The following DMD variants were observed in gnomAD, a reference collection of about 807,000 sequenced individuals.
DMD encodes mutant dystrophin.
A neutral mutation model predicts 330.1 loss-of-function variants in DMD; 63 were observed. That is an observed-to-expected ratio of 0.19 (90% CI 0.16 to 0.24). The LOEUF (loss-of-function observed/expected upper bound fraction) is 0.24, where lower values mean the gene tolerates loss of function less well. Ranked by LOEUF, DMD falls within the 10% of genes least tolerant of loss-of-function variation. The pLI is 1.00. For synonymous variants in DMD, 1,223 were observed against 959.8 expected, an observed-to-expected ratio of 1.27 and a Z score of -5.07; for missense variants, 3,344 against 2,684.1, an observed-to-expected ratio of 1.25 and a Z score of -5.43.
intron 51 of DMD, among the ~76,000 whole-genome samples, chrX:31,746,901 G>A (rs945119961): frequency 1.8e-5 from 2 of 111,055 alleles, no homozygotes; most frequent in Admixed American, 1.9e-4. Context: ...ACCTTTGGAC[G>A]TACATATAAG....
At chrX:31,695,438 T>C (rs1274987841) in intron 52 of DMD, among the ~76,000 whole-genome samples, 2 of 111,047 alleles carry the variant, frequency 1.8e-5, no homozygotes, top group Non-Finnish European at 3.8e-5. Context: ...ACATTGTTTG[T>C]AGCACAAAGG....
chrX:32,927,363 CTT>C lies in DMD; in HGVS notation c.94-77545_94-77544del, dbSNP rs536073565. On this transcript the variant is annotated intron_variant, in intron 2 of 78. Transcript: ENST00000357033. ...GGGTAGCAAGTTTCCTTCTTTCTTT[CTT>C]TTTTTTTTTTTTTTTTTTTTTTGAT... 5.6e-3 allele frequency among the ~76,000 whole-genome samples: 320 copies of C among 56,985 alleles called. 1 individual carries two copies. Among genetic ancestry groups the C allele is most frequent in the African/African-American group, 0.018 (258 of 14,726 alleles). 49.5% of individuals were successfully genotyped at this position (56,985 alleles called of 115,157 possible).
At chrX:33,138,464 T>C (rs1349441846) in intron 1 of DMD, among the ~76,000 whole-genome samples, 1 of 111,798 alleles carries the variant, frequency 8.9e-6, no homozygotes, top group Non-Finnish European at 1.9e-5. Context: ...CCCAGGAACA[T>C]GCTATATAGC....
intron 1 of DMD, among the ~76,000 whole-genome samples, chrX:33,101,457 C>T (rs2095238186): frequency 9.0e-6 from 1 of 111,700 alleles, no homozygotes; most frequent in Non-Finnish European, 1.9e-5. Flanking sequence ...TAGTGAAACC[C>T]CGTCTCTACT....
At chrX:32,658,375 T>C (rs891003603) in intron 9 of DMD, among the ~76,000 whole-genome samples, 4 of 111,205 alleles carry the variant, frequency 3.6e-5, no homozygotes, top group African/African-American at 1.3e-4. Context: ...GGCTAGATAA[T>C]AGGTATCTTC....
intron 13 of DMD, among the ~76,000 whole-genome samples, chrX:32,585,107 G>A (rs774627527): frequency 9.0e-6 from 1 of 111,149 alleles, no homozygotes; most frequent in South Asian, 3.8e-4. Context: ...AATACCACAT[G>A]TTCTCATTCA....
At chrX:31,532,156 G>A (rs1330635933) in intron 55 of DMD, among the ~76,000 whole-genome samples, 1 of 97,860 alleles carries the variant, frequency 1.0e-5, no homozygotes, top group Non-Finnish European at 2.0e-5. Context: ...TACTCCTCGA[G>A]AAGAGCAACT....
At chrX:31,130,922 T>A (rs988265537) in intron 77 of DMD, among the ~76,000 whole-genome samples, 1 of 112,095 alleles carries the variant, frequency 8.9e-6, no homozygotes, top group African/African-American at 3.2e-5. Context: ...CGGCTTTTCC[T>A]CTGTGGGCAA....
rs866776208 is a variant in DMD at position 32,777,287 on chromosome X, A to T, written c.649+32206T>A. ...AGTTTGGTTTCTGGTTGGGGGGGGA[A>T]TCCTACCAAGCTAGGAAATTAATGG... On this transcript the variant is annotated intron_variant, in intron 7 of 78. Transcript: ENST00000357033. Among the ~76,000 whole-genome samples the T allele has an allele frequency of 1.9e-3, 14 of 7,389 alleles. 1 individual carries two copies. The highest frequency in any genetic ancestry group is 7.3e-3 in the African/African-American group (13 of 1,788). The allele number at this position is 7,389 out of a possible 115,157, so 6.4% of individuals were successfully genotyped here. A position where few individuals can be genotyped will look rare whatever the true frequency, so the allele number is the denominator to read the frequency against.
At chrX:31,199,534 C>A (rs1222509828) in intron 67 of DMD, among the ~76,000 whole-genome samples, 4 of 111,923 alleles carry the variant, frequency 3.6e-5, no homozygotes, top group Non-Finnish European at 3.8e-5. Context: ...TACATTTAGA[C>A]CTGATAGGTG....
At chrX:31,273,074 A>G (rs1344977379) in intron 62 of DMD, among the ~76,000 whole-genome samples, 5 of 112,133 alleles carry the variant, frequency 4.5e-5, no homozygotes, top group Admixed American at 1.9e-4. Flanking sequence ...CACAGAGTCT[A>G]TATTTCATAC....
At chrX:32,817,351 T>G (rs925441502) in intron 5 of DMD, among the ~76,000 whole-genome samples, 1 of 112,093 alleles carries the variant, frequency 8.9e-6, no homozygotes, top group Non-Finnish European at 1.9e-5. Flanking sequence ...TTTTCATTAC[T>G]TGGTTTCCAT....
chrX:32,642,811 A>T (rs1261430709), intron 11 of DMD, among the ~76,000 whole-genome samples: 1 of 111,135 alleles, frequency 9.0e-6, no homozygotes, highest in Non-Finnish European at 1.9e-5. Flanking sequence ...CCTCCAGGAG[A>T]GGATGGAAAC....
chrX:31,447,513 A>G (rs1404029828), intron 59 of DMD, among the ~76,000 whole-genome samples: 2 of 110,979 alleles, frequency 1.8e-5, no homozygotes, highest in Middle Eastern at 4.6e-3. Context: ...TATCTTTGCC[A>G]GTAACTGTTG....
Position 32,345,930 on chromosome X carries a change from T to G in DMD, c.5586+13A>C. On this transcript the variant is annotated intron_variant, in intron 39 of 78. Transcript: ENST00000357033. ...ACCACAGGCAAGGTATATTATAATT[T>G]TAGCTCTAATACCTTGAGAGCATTA... The G allele has an allele frequency of 2.5e-6, 3 of 1,207,345 alleles. No homozygotes were observed. Among genetic ancestry groups the G allele is most frequent in the Non-Finnish European group, 2.2e-6 (2 of 892,656 alleles).
intron 47 of DMD, among the ~76,000 whole-genome samples, chrX:31,882,002 T>A (rs1268523282): frequency 8.9e-6 from 1 of 112,170 alleles, no homozygotes; most frequent in Admixed American, 9.5e-5. Flanking sequence ...AATTAGAAAG[T>A]CCAATACTGT....
intron 64 of DMD, among the ~76,000 whole-genome samples, chrX:31,210,328 T>C (rs1183344749): frequency 8.9e-6 from 1 of 112,134 alleles, no homozygotes; most frequent in African/African-American, 3.2e-5. Context: ...GAGGCTCGCT[T>C]ATTTCTCCTT....
intron 13 of DMD, among the ~76,000 whole-genome samples, chrX:32,576,536 C>T (rs776698146): frequency 1.8e-5 from 2 of 110,626 alleles, no homozygotes; most frequent in East Asian, 2.8e-4. Context: ...AGCATGAAGA[C>T]GCTGGACAAA....
intron 55 of DMD, among the ~76,000 whole-genome samples, chrX:31,547,088 G>C (rs1422903105): frequency 8.9e-6 from 1 of 112,120 alleles, no homozygotes; most frequent in Admixed American, 9.4e-5. Flanking sequence ...CACGTAACTG[G>C]AATTAATTTA....
Sources: gnomAD v4.1 joint callset for allele counts (sites outside exome capture counted in the v4.1 genomes callset) on GRCh38, gnomAD v4.1.1 for gene constraint, MANE v1.5 for transcripts, NCBI Gene and HGNC (gene_info 2026-07-23, HGNC 2026-07-21) for gene names.